Variants in RNLS observed in about 807,000 individuals in gnomAD.
RNLS encodes renalase, FAD dependent amine oxidase.
Under a neutral mutation model 39.8 loss-of-function variants are expected in RNLS, and 39 were observed. The observed-to-expected ratio is 0.98, with a 90% CI of 0.76 to 1.28. The LOEUF (loss-of-function observed/expected upper bound fraction) is 1.28, where lower values mean the gene tolerates loss of function less well. Ranked by LOEUF, RNLS falls within the 50% of genes most tolerant of loss-of-function variation. The pLI, the probability that RNLS is intolerant of heterozygous loss-of-function variation, is 0.00. For synonymous variants in RNLS, 147 were observed against 150.7 expected (o/e 0.98, Z 0.18); for missense variants, 410 against 413.3 (o/e 0.99, Z 0.07).
chr10:88,284,879 T>C lies in RNLS; in HGVS notation c.*475A>G. 1.0e-6 allele frequency: 1 copy of C among 985,700 alleles called. No individual in the cohort carries two copies. The allele number at this position is 985,700 out of a possible 1,614,324, so 61.1% of individuals were successfully genotyped here. On this transcript the variant is annotated 3_prime_UTR_variant, in exon 7 of 7. Transcript: ENST00000331772. ...GATAAATGAGAAATAAGAATTACAC[T>C]CTGTTACCTACATTTTGGAAAAATC...
the RNLS span, among the ~76,000 whole-genome samples, chr10:88,203,270 A>ATG: frequency 7.1e-4 from 4 of 5,610 alleles, no homozygotes; most frequent in African/African-American, 4.8e-3. Context: ...GTGTGTATGT[A>ATG]TATATATATA....
chr10:88,439,428 G>T (rs1465429198), intron 4 of RNLS, among the ~76,000 whole-genome samples: 2 of 152,110 alleles, frequency 1.3e-5, no homozygotes, highest in Non-Finnish European at 2.9e-5. Context: ...ACCAACAAAG[G>T]GACATCCTGC....
chr10:88,363,143 T>C (rs1298267751), intron 4 of RNLS, among the ~76,000 whole-genome samples: 4 of 152,254 alleles, frequency 2.6e-5, no homozygotes, highest in Non-Finnish European at 4.4e-5. Context: ...TAGAGTATTA[T>C]TTCCAAGTTA....
At chr10:88,497,783 C>G (rs942574036) in intron 4 of RNLS, among the ~76,000 whole-genome samples, 1 of 152,002 alleles carries the variant, frequency 6.6e-6, no homozygotes, top group East Asian at 1.9e-4. Flanking sequence ...AGAAAAGAAG[C>G]ACCTGTCCAA....
the RNLS span, among the ~76,000 whole-genome samples, chr10:88,202,689 C>T: frequency 6.6e-6 from 1 of 152,200 alleles, no homozygotes; most frequent in East Asian, 1.9e-4. Flanking sequence ...CTGAGCTGTT[C>T]TACTGGGAGC....
chr10:88,347,368 G>C (rs1848379722), intron 5 of RNLS, among the ~76,000 whole-genome samples: 1 of 152,128 alleles, frequency 6.6e-6, no homozygotes, highest in African/African-American at 2.4e-5. Flanking sequence ...TCTCTGAACA[G>C]ATTGACATGG....
rs750129397 is a variant in RNLS, at chr10:88,573,018, T to C, written c.411A>G (p.Leu137=). 1.9e-6 allele frequency: 3 copies of C among 1,614,064 alleles called. No homozygotes were observed. Among genetic ancestry groups the C allele is most frequent in the Non-Finnish European group, 2.5e-6 (3 of 1,179,928 alleles). Residue 137 remains leucine, a synonymous_variant, in exon 4 of 7, where the codon CTA becomes CTG. Coordinates refer to ENST00000331772, the MANE Select transcript of RNLS (RefSeq NM_001031709.3). ...TGGATACTTCCCATTTGTCATCTCT[T>C]AGGTTGATCTGTGTCACACGATGTC... ...YFRHRVTQIN[L]RDDKWEVSKQ...
chr10:88,464,018 G>A (rs1044838492), intron 4 of RNLS, among the ~76,000 whole-genome samples: 1 of 152,004 alleles, frequency 6.6e-6, no homozygotes, highest in Non-Finnish European at 1.5e-5. Flanking sequence ...AGAGTGCCAA[G>A]CTAGATGTCT....
chr10:88,226,295 C>A, the RNLS span, among the ~76,000 whole-genome samples: 2 of 152,178 alleles, frequency 1.3e-5, no homozygotes, highest in South Asian at 2.1e-4. Context: ...TTTCAGTCTT[C>A]AATAAACAAC....
intron 4 of RNLS, among the ~76,000 whole-genome samples, chr10:88,492,421 CTTT>C (rs35806120): frequency 6.1e-5 from 8 of 131,976 alleles, no homozygotes; most frequent in Non-Finnish European, 7.8e-5. Flanking sequence ...TTTTCTTTTT[CTTT>C]TTTTTTTTTT....
chr10:88,513,574 T>A (rs987086450), intron 4 of RNLS, among the ~76,000 whole-genome samples: 2 of 152,168 alleles, frequency 1.3e-5, no homozygotes, highest in Admixed American at 1.3e-4. Context: ...TATTAATTTC[T>A]GAATAAGTTG....
chr10:88,225,176 T>C, the RNLS span, among the ~76,000 whole-genome samples: 116 of 152,366 alleles, frequency 7.6e-4, no homozygotes, highest in African/African-American at 2.6e-3. Context: ...CCTCCTACTA[T>C]CTCAGTGATG....
At chr10:88,556,909 C>A (rs1050402770) in intron 4 of RNLS, among the ~76,000 whole-genome samples, 3 of 152,020 alleles carry the variant, frequency 2.0e-5, no homozygotes, top group African/African-American at 7.2e-5. Context: ...TTTCCTCCAC[C>A]CCCTGGATCA....
intron 4 of RNLS, among the ~76,000 whole-genome samples, chr10:88,485,605 G>A (rs1293562680): frequency 2.8e-5 from 4 of 144,812 alleles, no homozygotes; most frequent in African/African-American, 7.7e-5. Context: ...AGTTGTGACA[G>A]GCATATTAGG....
chr10:88,328,238 A>G (rs899111607), intron 5 of RNLS, among the ~76,000 whole-genome samples: 3 of 151,924 alleles, frequency 2.0e-5, no homozygotes, highest in Admixed American at 2.0e-4. Flanking sequence ...GTTAATTAGA[A>G]CAATCTCATT....
At chr10:88,480,641 C>T (rs1292216036) in intron 4 of RNLS, among the ~76,000 whole-genome samples, 1 of 152,130 alleles carries the variant, frequency 6.6e-6, no homozygotes, top group Non-Finnish European at 1.5e-5. Flanking sequence ...AGGCTGGTTT[C>T]GAACTCCCGA....
At chr10:88,315,909 T>C (rs569327141) in intron 5 of RNLS, among the ~76,000 whole-genome samples, 4 of 152,082 alleles carry the variant, frequency 2.6e-5, no homozygotes, top group East Asian at 3.9e-4. Flanking sequence ...ATCTAAGCTA[T>C]GGGAATGGAA....
At chr10:88,312,432 C>T (rs1343293779) in intron 6 of RNLS, among the ~76,000 whole-genome samples, 1 of 152,156 alleles carries the variant, frequency 6.6e-6, no homozygotes, top group Non-Finnish European at 1.5e-5. Flanking sequence ...GACCCATTTT[C>T]GACTCTGACC....
chr10:88,470,710 G>A lies in RNLS; in HGVS notation c.526+102193C>T, dbSNP rs188595739. Among the ~76,000 whole-genome samples the A allele has an allele frequency of 1.7e-4, 26 of 151,432 alleles. No homozygotes were observed. The East Asian group carries it at 4.8e-3, about 28-fold the overall frequency. On this transcript the variant is annotated intron_variant, in intron 4 of 6. Transcript: ENST00000331772. ...GGCTCACTGCAACCTCCACCTCCTG[G>A]ATTCAAGCAATTCTCCTGCCTCAGC...
Sources: gnomAD v4.1 joint callset for allele counts (sites outside exome capture counted in the v4.1 genomes callset) on GRCh38, gnomAD v4.1.1 for gene constraint, MANE v1.5 for transcripts, NCBI Gene and HGNC (gene_info 2026-07-23, HGNC 2026-07-21) for gene names.